Variants in CACNA1A observed in about 807,000 individuals in gnomAD.
CACNA1A encodes the protein calcium voltage-gated channel subunit alpha1 A, also known as voltage-dependent P/Q-type calcium channel subunit alpha-1A.
In CACNA1A, 57 loss-of-function variants were observed where a neutral mutation model predicts 262.4. That is an observed-to-expected ratio of 0.22 (90% CI 0.18 to 0.27). The LOEUF (loss-of-function observed/expected upper bound fraction) is 0.27. CACNA1A is among the 10% of genes least tolerant of loss of function. The pLI, the probability that CACNA1A is intolerant of heterozygous loss-of-function variation, is 1.00. For synonymous variants in CACNA1A, 1,431 were observed against 1,419.3 expected, an observed-to-expected ratio of 1.01 and a Z score of -0.18; for missense variants, 2,526 against 3,562.8, an observed-to-expected ratio of 0.71 and a Z score of 7.41.
intron 1 of CACNA1A, among the ~76,000 whole-genome samples, chr19:13,478,466 C>A (rs1978833662): frequency 6.6e-6 from 1 of 152,158 alleles, no homozygotes; most frequent in Admixed American, 6.5e-5. Flanking sequence ...TACAGGCATG[C>A]ATTGCCACGT....
At position 13,365,340 on chromosome 19, in the gene CACNA1A, G is replaced by C; in HGVS notation, c.761C>G (p.Thr254Ser). 6.2e-7 allele frequency: 1 copy of C among 1,613,362 alleles called. No individual in the cohort carries two copies. Among genetic ancestry groups the C allele is most frequent in the African/African-American group, 1.3e-5 (1 of 75,028 alleles). Residue 254 changes from threonine to serine, a missense_variant, in exon 5 of 47, where the codon ACC becomes AGC. Around this residue, in one of 17 missense-constraint regions of CACNA1A, gnomAD observed 52 missense variants for 124.0 expected, o/e 0.42. Coordinates refer to ENST00000360228, the MANE Select transcript of CACNA1A (RefSeq NM_001127222.2). ...ACCTGTCCCCTCTTCAAAGCAGGTG[G>C]TATGAAATTTTCCCATATAAAATTC... ...GLEFYMGKFHTTCFEEGTDDI... is the reference protein window; with the variant it reads ...GLEFYMGKFHSTCFEEGTDDI...
intron 3 of CACNA1A, among the ~76,000 whole-genome samples, chr19:13,393,315 A>G (rs887645591): frequency 9.2e-5 from 14 of 152,366 alleles, no homozygotes; most frequent in African/African-American, 3.4e-4. Context: ...GCAACAGCAC[A>G]GATGAATCTC....
At chr19:13,395,273 C>CAAAAAAAAAAAAAAAAA (rs58840618) in intron 3 of CACNA1A, among the ~76,000 whole-genome samples, 1 of 88,900 alleles carries the variant, frequency 1.1e-5, no homozygotes, top group Non-Finnish European at 2.2e-5. Flanking sequence ...GACTCCATCT[C>CAAAAAAAAAAAAAAAAA]AAAAAAAAAA....
In CACNA1A at chr19:13,384,755, T is replaced by A. The variant is rs527533707; in HGVS notation, c.540-12976A>T. 2.6e-5 allele frequency among the ~76,000 whole-genome samples: 4 copies of A among 152,024 alleles called. No individual in the cohort carries two copies. In the South Asian group the frequency reaches 8.3e-4, roughly 32 times the overall value. ...ACAAAAACACACAGAAATAAAGTATTTTGAGAAAGGAGAGGTCACTGGTCT... is the reference window on the plus strand; with the variant it reads ...ACAAAAACACACAGAAATAAAGTATATTGAGAAAGGAGAGGTCACTGGTCT... On this transcript the variant is annotated intron_variant, in intron 3 of 46. Coordinates refer to ENST00000360228, the MANE Select transcript of CACNA1A (RefSeq NM_001127222.2).
intron 1 of CACNA1A, among the ~76,000 whole-genome samples, chr19:13,492,584 C>T (rs898664599): frequency 2.0e-5 from 3 of 152,256 alleles, no homozygotes; most frequent in East Asian, 1.9e-4. Flanking sequence ...TACCAGGATG[C>T]TCACTGCAGT....
At chr19:13,439,035 A>C (rs1935997198) in intron 3 of CACNA1A, among the ~76,000 whole-genome samples, 1 of 151,646 alleles carries the variant, frequency 6.6e-6, no homozygotes, top group Non-Finnish European at 1.5e-5. Flanking sequence ...CACCATGCCC[A>C]GCTTTCTCTT....
chr19:13,232,887 A>G (rs1379189363), intron 34 of CACNA1A, among the ~76,000 whole-genome samples: 1 of 151,372 alleles, frequency 6.6e-6, no homozygotes, highest in Admixed American at 6.6e-5. Flanking sequence ...CGTCTCTACT[A>G]AAAATACAAA....
intron 10 of CACNA1A, among the ~76,000 whole-genome samples, chr19:13,319,890 A>AGTGAAGATGT (rs1192922316): frequency 6.6e-6 from 1 of 152,168 alleles, no homozygotes; most frequent in Non-Finnish European, 1.5e-5. Flanking sequence ...TCTAGTAACC[A>AGTGAAGATGT]GTGAAGATGT....
At chr19:13,498,716 A>G (rs1335226920) in intron 1 of CACNA1A, among the ~76,000 whole-genome samples, 3 of 152,212 alleles carry the variant, frequency 2.0e-5, no homozygotes, top group African/African-American at 4.8e-5. Flanking sequence ...ATTCATTCCA[A>G]TAAAAAGTCT....
chr19:13,210,605 C>G lies in CACNA1A; in HGVS notation c.6339+12G>C, dbSNP rs371246823. The G allele has an allele frequency of 6.4e-7, 1 of 1,560,046 alleles. No homozygotes were observed. The highest frequency in any genetic ancestry group is 2.4e-5 in the East Asian group (1 of 41,704). On this transcript the variant is annotated intron_variant, in intron 44 of 46. Coordinates refer to ENST00000360228, the MANE Select transcript of CACNA1A (RefSeq NM_001127222.2). The stretch of plus-strand genomic sequence containing the variant: ...GGAGCCCTGCTGGGCGCTGGGCAGG[C>G]GCGGTACATACACTGAGGTTATTCC...
intron 46 of CACNA1A, among the ~76,000 whole-genome samples, chr19:13,208,533 G>A: frequency 7.2e-6 from 1 of 138,430 alleles, no homozygotes; most frequent in East Asian, 2.6e-4. Flanking sequence ...GGGGGCGGCG[G>A]GTGGGCAAGG....
intron 1 of CACNA1A, among the ~76,000 whole-genome samples, chr19:13,497,249 G>A (rs1035709354): frequency 6.6e-6 from 1 of 151,618 alleles, no homozygotes; most frequent in Non-Finnish European, 1.5e-5. Flanking sequence ...CTGATTCTAG[G>A]TGAAGCTAGA....
intron 1 of CACNA1A, among the ~76,000 whole-genome samples, chr19:13,495,292 A>ATATTTATT (rs945159817): frequency 6.6e-6 from 1 of 151,972 alleles, no homozygotes; most frequent in Non-Finnish European, 1.5e-5. Flanking sequence ...TAAGCATATA[A>ATATTTATT]TATTTATTTA....
chr19:13,430,654 CTG>C (rs540553980), intron 3 of CACNA1A, among the ~76,000 whole-genome samples: 11 of 152,200 alleles, frequency 7.2e-5, no homozygotes, highest in Non-Finnish European at 1.5e-4. Context: ...ATGTGCCAGG[CTG>C]TGTTCTAGGC....
intron 3 of CACNA1A, among the ~76,000 whole-genome samples, chr19:13,406,904 C>T (rs1164636919): frequency 6.6e-6 from 1 of 151,916 alleles, no homozygotes; most frequent in African/African-American, 2.4e-5. Context: ...CTTCTCTTGC[C>T]ATTTCCCTCT....
chr19:13,373,601 C>T (rs980398713), intron 3 of CACNA1A, among the ~76,000 whole-genome samples: 2 of 152,198 alleles, frequency 1.3e-5, no homozygotes, highest in African/African-American at 4.8e-5. Context: ...TTCCTTGCCC[C>T]ACCTCCCCTC....
intron 1 of CACNA1A, among the ~76,000 whole-genome samples, chr19:13,458,732 T>C (rs2061060738): frequency 6.6e-6 from 1 of 152,146 alleles, no homozygotes. Context: ...GGGTCTATCT[T>C]GTTCATTTCA....
chr19:13,350,405 A>G (rs10416497), intron 6 of CACNA1A, among the ~76,000 whole-genome samples: 37,098 of 152,088 alleles, frequency 0.24, 5,862 homozygotes, highest in East Asian at 0.63. Flanking sequence ...GGGAGGAAAC[A>G]CTTAGGGGTC....
intron 4 of CACNA1A, among the ~76,000 whole-genome samples, chr19:13,366,454 C>T (rs901226260): frequency 7.2e-5 from 11 of 152,024 alleles, no homozygotes; most frequent in African/African-American, 2.2e-4. Context: ...GACGCTGTCT[C>T]AAATAAATCT....
Sources: gnomAD v4.1 joint callset for allele counts (sites outside exome capture counted in the v4.1 genomes callset) on GRCh38, gnomAD v4.1.1 for gene constraint, gnomAD v4.1.1 regional missense constraint, MANE v1.5 for transcripts, NCBI Gene and HGNC (gene_info 2026-07-23, HGNC 2026-07-21) for gene names.